The following ZNF415 variants were observed in gnomAD, a reference collection of about 807,000 sequenced individuals.
ZNF415 encodes the protein zinc finger protein 415.
A neutral mutation model predicts 7.3 loss-of-function variants in ZNF415; 5 were observed. The observed-to-expected ratio is 0.69, with a 90% CI of 0.36 to 1.44. The LOEUF is 1.44. Among genes scored for constraint, ZNF415 ranks in the 40% most tolerant of loss-of-function variants. The pLI is 0.04. For missense variants in ZNF415, 628 were observed against 664.8 expected, an observed-to-expected ratio of 0.94 and a Z score of 0.61; for synonymous variants, 207 against 226.3, an observed-to-expected ratio of 0.91 and a Z score of 0.77.
intron 1 of ZNF415, chr19:53,123,504 C>T (rs1245428621): frequency 2.5e-6 from 1 of 398,668 alleles, no homozygotes; most frequent in Non-Finnish European, 4.4e-6. Context: ...TTTGCACCTG[C>T]AGCTGAGGGG....
intron 2 of ZNF415, among the ~76,000 whole-genome samples, chr19:53,119,051 C>A (rs575010263): frequency 2.6e-5 from 4 of 151,870 alleles, no homozygotes; most frequent in African/African-American, 7.3e-5. Flanking sequence ...GAGGCCAAGG[C>A]GGGCGGATCA....
In ZNF415 at chr19:53,116,076, A is replaced by G. The variant is rs747831228; in HGVS notation, c.136+237T>C. On this transcript the variant is annotated intron_variant, in intron 3 of 3. Transcript: ENST00000243643. ...GAAGTGAGTATTTCAGAAGTCTACCATAAGCTTTCATGGATACTTCAGCTC... is the reference window on the plus strand; with the variant it reads ...GAAGTGAGTATTTCAGAAGTCTACCGTAAGCTTTCATGGATACTTCAGCTC... 1.3e-5 allele frequency: 8 copies of G among 615,792 alleles called. No individual in the cohort carries two copies. The East Asian group carries it at 1.6e-4, about 13-fold the overall frequency. The allele number at this position is 615,792 out of a possible 1,614,324, so 38.1% of individuals were successfully genotyped here. A position where few individuals can be genotyped will look rare whatever the true frequency, so the allele number is the denominator to read the frequency against.
chr19:53,116,288 A>T (rs1322007390), intron 3 of ZNF415, 25 bp downstream of exon 3: 1 of 1,589,234 alleles, frequency 6.3e-7, no homozygotes, highest in Non-Finnish European at 8.5e-7. Flanking sequence ...GCAGATTTTG[A>T]CTTCTGGAAG....
In ZNF415 at chr19:53,116,412, T is replaced by C. The variant is rs768906028; in HGVS notation, c.37A>G (p.Ile13Val). 2.5e-5 allele frequency: 40 copies of C among 1,614,032 alleles called. No individual in the cohort carries two copies. Among genetic ancestry groups the C allele is most frequent in the Non-Finnish European group, 3.3e-5 (39 of 1,180,008 alleles). Residue 13 changes from isoleucine to valine, a missense_variant, in exon 3 of 4, where the codon ATC becomes GTC. By Grantham distance (29) the Ile-to-Val change is conservative. Coordinates refer to ENST00000243643, the MANE Select transcript of ZNF415 (RefSeq NM_018355.4). ...TTCCACTCATCTTGAGAGAATTCGA[T>C]GGCCACGTCCCTGAATGTCAACTGT... The part of the protein sequence containing the change: ...FTQLTFRDVA[I>V]EFSQDEWKCL...
At position 53,108,260 on chromosome 19, in the gene ZNF415, T is replaced by C. The variant is rs2085672577; in HGVS notation, c.*117A>G. ...AAGAATGAAATTCTCTGATGCTGTG[T>C]AGGAGTGAATTGTGACTGAAAACCT... On this transcript the variant is annotated 3_prime_UTR_variant, in exon 4 of 4. Coordinates refer to ENST00000243643, the MANE Select transcript of ZNF415 (RefSeq NM_018355.4). The C allele has an allele frequency of 1.1e-6, 1 of 925,304 alleles. No individual in the cohort carries two copies. Among genetic ancestry groups the C allele is most frequent in the Admixed American group, 2.8e-5 (1 of 35,122 alleles). The allele number at this position is 925,304 out of a possible 1,614,324, so 57.3% of individuals were successfully genotyped here.
In ZNF415 at chr19:53,125,671, G is replaced by A. The variant is rs539940378; in HGVS notation, c.-67-2928C>T. Among the ~76,000 whole-genome samples the A allele has an allele frequency of 2.7e-4, 41 of 152,076 alleles. 1 individual carries two copies. Among genetic ancestry groups the A allele is most frequent in the Admixed American group, 4.6e-4 (7 of 15,276 alleles). On this transcript the variant is annotated intron_variant, in intron 1 of 3. Transcript: ENST00000243643. Reference sequence around the variant, plus strand: ...TTTTAAAAATAAACTGGAGCCAGGCGCGGTGGCTCACGCCTGTAATCCCAG... The same window carrying A: ...TTTTAAAAATAAACTGGAGCCAGGCACGGTGGCTCACGCCTGTAATCCCAG...
Position 53,109,181 on chromosome 19 carries a change from T to G in ZNF415, c.864A>C (p.Ala288=). The part of the protein sequence containing the change: ...DRSFSRNSCL[A]LHRRVHTGEK... Reference sequence around the variant, plus strand: ...CTCCAGTGTGAACTCTCCGATGTAGTGCAAGGCATGAGTTGCGACTGAAAC... The same window carrying G: ...CTCCAGTGTGAACTCTCCGATGTAGGGCAAGGCATGAGTTGCGACTGAAAC... The change falls in exon 4 of 4, where the codon GCA becomes GCC. Residue 288 remains alanine, a synonymous_variant. Coordinates refer to ENST00000243643, the MANE Select transcript of ZNF415 (RefSeq NM_018355.4). 1.9e-6 allele frequency: 3 copies of G among 1,614,042 alleles called. No homozygotes were observed. Among genetic ancestry groups the G allele is most frequent in the Non-Finnish European group, 2.5e-6 (3 of 1,179,980 alleles).
intron 3 of ZNF415, among the ~76,000 whole-genome samples, chr19:53,111,338 T>G (rs1163616116): frequency 8.3e-6 from 1 of 120,370 alleles, no homozygotes; most frequent in African/African-American, 2.8e-5. Flanking sequence ...CCTATGATAT[T>G]TCTTTTTTTT....
At chr19:53,122,492 G>A in intron 2 of ZNF415, 170 bp downstream of exon 2, 1 of 1,572,024 alleles carries the variant, frequency 6.4e-7, no homozygotes, top group African/African-American at 1.3e-5. Context: ...GTCAGGGTGA[G>A]ACGGAATCTC....
intron 3 of ZNF415, among the ~76,000 whole-genome samples, chr19:53,110,884 A>G (rs932852148): frequency 7.9e-5 from 12 of 152,200 alleles, no homozygotes; most frequent in African/African-American, 2.7e-4. Flanking sequence ...CAATAACGCA[A>G]TTCCCTACAT....
At chr19:53,126,403 G>GA (rs1197757627) in intron 1 of ZNF415, among the ~76,000 whole-genome samples, 2 of 145,474 alleles carry the variant, frequency 1.4e-5, no homozygotes, top group Non-Finnish European at 3.0e-5. Context: ...CCCCTCCATG[G>GA]AAAAAAGGTC....
chr19:53,115,335 CA>C (rs11434848), intron 3 of ZNF415: 7,499 of 191,156 alleles, frequency 0.039, 232 homozygotes, highest in South Asian at 0.098. Flanking sequence ...AACTCCATCT[CA>C]AAAAAAAAAG....
chr19:53,108,852 C>T lies in ZNF415; in HGVS notation c.1193G>A (p.Ser398Asn). The T allele has an allele frequency of 6.2e-7, 1 of 1,613,936 alleles. No individual in the cohort carries two copies. Among genetic ancestry groups the T allele is most frequent in the Non-Finnish European group, 8.5e-7 (1 of 1,179,934 alleles). Residue 398 changes from serine to asparagine, a missense_variant, in exon 4 of 4, where the codon AGC (serine) becomes AAC (asparagine). Transcript: ENST00000243643. ...ATGAATTCTCCAATGCCTTGCAAGG[C>T]TTGAAGTCTGACTGAAGACTTTACC... is the stretch of plus-strand genomic sequence containing the variant. ...ECGKVFSQTS[S>N]LARHWRIHTG...
chr19:53,122,786 A>G lies in ZNF415; in HGVS notation c.-67-43T>C, dbSNP rs1436375148. 3.4e-6 allele frequency: 5 copies of G among 1,459,658 alleles called. No homozygotes were observed. In the South Asian group the frequency reaches 5.8e-5, roughly 17 times the overall value. 90.4% of individuals were successfully genotyped at this position (1,459,658 alleles called of 1,614,324 possible). A position where few individuals can be genotyped will look rare whatever the true frequency, so the allele number is the denominator to read the frequency against. On this transcript the variant is annotated intron_variant, in intron 1 of 3. Transcript: ENST00000243643. Reference sequence around the variant, plus strand: ...GTGCTGTTTATTGCTTAGAAACAACACACCCCCTCTTGTGTGACAAGCACA... The same window carrying G: ...GTGCTGTTTATTGCTTAGAAACAACGCACCCCCTCTTGTGTGACAAGCACA...
At chr19:53,120,375 C>T (rs1276608491) in intron 2 of ZNF415, among the ~76,000 whole-genome samples, 1 of 151,906 alleles carries the variant, frequency 6.6e-6, no homozygotes, top group Non-Finnish European at 1.5e-5. Flanking sequence ...GGATAGAATA[C>T]CCTAACAAAA....
At chr19:53,114,967 T>C (rs2086778358) in intron 3 of ZNF415, among the ~76,000 whole-genome samples, 1 of 152,034 alleles carries the variant, frequency 6.6e-6, no homozygotes, top group Non-Finnish European at 1.5e-5. Flanking sequence ...CATGGATAGC[T>C]CCAGGCATCA....
intron 1 of ZNF415, among the ~76,000 whole-genome samples, chr19:53,129,015 G>C (rs916352790): frequency 6.6e-6 from 1 of 151,366 alleles, no homozygotes; most frequent in Non-Finnish European, 1.5e-5. Flanking sequence ...TAATGTGATA[G>C]AGAGTGACGG....
intron 2 of ZNF415, among the ~76,000 whole-genome samples, chr19:53,119,309 C>T (rs1487420613): frequency 1.3e-5 from 2 of 150,420 alleles, no homozygotes; most frequent in East Asian, 3.9e-4. Flanking sequence ...AAAAATTAGC[C>T]AGGTATGTGC....
chr19:53,117,523 A>G (rs1290670140), intron 2 of ZNF415, among the ~76,000 whole-genome samples: 1 of 152,084 alleles, frequency 6.6e-6, no homozygotes, highest in Non-Finnish European at 1.5e-5. Flanking sequence ...GGTGCTCCAT[A>G]AAACAGGAAA....
Sources: gnomAD v4.1 joint callset for allele counts (sites outside exome capture counted in the v4.1 genomes callset) on GRCh38, gnomAD v4.1.1 for gene constraint, MANE v1.5 for transcripts, NCBI Gene and HGNC (gene_info 2026-07-23, HGNC 2026-07-21) for gene names.